Variants in PLEKHA4 observed in about 807,000 individuals in gnomAD.
The protein encoded by PLEKHA4 is pleckstrin homology domain-containing family A member 4.
Under a neutral mutation model 94.7 loss-of-function variants are expected in PLEKHA4, and 73 were observed. The ratio of observed to expected loss-of-function variants is 0.77; its 90% CI spans 0.64 to 0.94. PLEKHA4 has a LOEUF of 0.94. Ranked by LOEUF, PLEKHA4 falls within the 40% of genes least tolerant of loss-of-function variation. The probability of loss-of-function intolerance (pLI) is 0.00; values close to 1 mark genes in which losing one functional copy is unlikely to be tolerated. For missense variants in PLEKHA4, 1,049 were observed against 1,054.1 expected (o/e 1.00, Z 0.07); for synonymous variants, 449 against 437.1 (o/e 1.03, Z -0.34).
chr19:48,855,742 T>C (rs1397287189), intron 9 of PLEKHA4, among the ~76,000 whole-genome samples: 1 of 151,886 alleles, frequency 6.6e-6, no homozygotes, highest in South Asian at 2.1e-4. Flanking sequence ...TGAGCCATGA[T>C]TGCACCACTG....
chr19:48,854,244 T>C lies in PLEKHA4; in HGVS notation c.1068A>G (p.Ser356=). 1 of 1,614,140 alleles carries C rather than the reference T, an allele frequency of 6.2e-7. No individual in the cohort carries two copies. The highest frequency in any genetic ancestry group is 8.5e-7 in the Non-Finnish European group (1 of 1,180,008). The change falls in exon 10 of 20, where the codon TCA becomes TCG. Residue 356 remains serine, a synonymous_variant. Coordinates refer to ENST00000263265, the MANE Select transcript of PLEKHA4 (RefSeq NM_020904.3). ...MVLLPGPPLE[S]TFHQSLETDT... ...CTGTCTCCAAGCTTTGGTGGAAAGT[T>C]GACTCCAGGGGAGGACCCGGCTGAA...
chr19:48,865,828 C>A (rs535728445), intron 2 of PLEKHA4, among the ~76,000 whole-genome samples: 3 of 152,066 alleles, frequency 2.0e-5, no homozygotes, highest in Middle Eastern at 3.4e-3. Flanking sequence ...TCCTGGCTAA[C>A]ACGGTGAAAC....
chr19:48,863,690 G>A (rs1260695899), intron 3 of PLEKHA4, among the ~76,000 whole-genome samples: 19 of 151,340 alleles, frequency 1.3e-4, no homozygotes, highest in African/African-American at 3.9e-4. Context: ...CGCCCACCTT[G>A]GCCTCCCAAA....
chr19:48,864,127 G>A (rs73587894), intron 3 of PLEKHA4, among the ~76,000 whole-genome samples: 3,812 of 151,600 alleles, frequency 0.025, 154 homozygotes, highest in African/African-American at 0.087. Context: ...CCAAGGTTTT[G>A]CCTGCTGCAG....
At chr19:48,861,229 A>C (rs927978448) in intron 5 of PLEKHA4, among the ~76,000 whole-genome samples, 172 bp downstream of exon 5, 10 of 152,152 alleles carry the variant, frequency 6.6e-5, no homozygotes, top group Non-Finnish European at 1.0e-4. Context: ...AAACAAAAAA[A>C]CAAACCAAAA....
In PLEKHA4 at chr19:48,845,428, AC is replaced by A; in HGVS notation, c.1684del (p.Val562SerfsTer17). On this transcript the variant is annotated frameshift_variant, in exon 16 of 20. Transcript: ENST00000263265. LOFTEE classifies it high-confidence loss of function. ...ACCCTCAGGGCTGGAAGCCCGGGAG[AC>A]CCTCGGAGACCCAAGACCTGGAAAG... ...SPHLGLGSPR[V>X]SRASSPEGRH... 1 of 1,613,838 alleles carries A rather than the reference AC, an allele frequency of 6.2e-7. No individual in the cohort carries two copies. The highest frequency in any genetic ancestry group is 8.5e-7 in the Non-Finnish European group (1 of 1,180,000).
intron 17 of PLEKHA4, among the ~76,000 whole-genome samples, chr19:48,840,423 TC>T (rs1299248157): frequency 3.6e-5 from 5 of 140,540 alleles, no homozygotes; most frequent in East Asian, 2.1e-4. Flanking sequence ...AAAGAAAACA[TC>T]TTTTTTTTTT....
chr19:48,838,416 G>C (rs950492496), intron 18 of PLEKHA4: 1 of 171,698 alleles, frequency 5.8e-6, no homozygotes, highest in African/African-American at 2.6e-5. Flanking sequence ...CAATTATCTC[G>C]TAAATATATG....
chr19:48,842,323 G>A (rs2035801710), intron 16 of PLEKHA4, among the ~76,000 whole-genome samples: 1 of 151,710 alleles, frequency 6.6e-6, no homozygotes, highest in African/African-American at 2.4e-5. Context: ...TAATTTTTTT[G>A]TATTTTTAGT....
intron 3 of PLEKHA4, among the ~76,000 whole-genome samples, chr19:48,863,719 T>G (rs528784516): frequency 6.6e-6 from 1 of 151,736 alleles, no homozygotes; most frequent in African/African-American, 2.4e-5. Flanking sequence ...ATTACAGGAG[T>G]GAGCCACCAC....
chr19:48,867,513 C>A lies in PLEKHA4; in HGVS notation c.84+24G>T. ...GCGGCCCAGAGCCCCACCTTCCTCC[C>A]CATCCCCGCCAGGAAGCTCAAACCT... On this transcript the variant is annotated intron_variant, in intron 2 of 19. Coordinates refer to ENST00000263265, the MANE Select transcript of PLEKHA4 (RefSeq NM_020904.3). The surrounding 1 kb of genome is among the most constrained non-coding windows in gnomAD (Gnocchi z 4.7). 6.3e-7 allele frequency: 1 copy of A among 1,575,892 alleles called. No individual in the cohort carries two copies. Among genetic ancestry groups the A allele is most frequent in the Non-Finnish European group, 8.6e-7 (1 of 1,162,774 alleles).
chr19:48,858,783 T>C (rs2036521862), intron 8 of PLEKHA4, 77 bp downstream of exon 8: 1 of 1,523,316 alleles, frequency 6.6e-7, no homozygotes, highest in Non-Finnish European at 9.1e-7. Context: ...CAGGGAGCAA[T>C]GGCCTTGAGA....
intron 7 of PLEKHA4, 22 bp from the exon 8 acceptor site, chr19:48,859,161 G>T (rs753816627): frequency 6.6e-7 from 1 of 1,511,316 alleles, no homozygotes; most frequent in Non-Finnish European, 8.9e-7. Flanking sequence ...AGAGAATCGG[G>T]GAACTGAGTC....
rs765805327 is a variant in PLEKHA4, at chr19:48,841,200, G to T, written c.1854C>A (p.Thr618=). 6 of 1,612,804 alleles carry T rather than the reference G, an allele frequency of 3.7e-6. No individual in the cohort carries two copies. The Admixed American group carries it at 1.0e-4, about 27-fold the overall frequency. The change falls in exon 17 of 20, where the codon ACC becomes ACA. Residue 618 remains threonine (T), a synonymous_variant. Coordinates refer to ENST00000263265, the MANE Select transcript of PLEKHA4 (RefSeq NM_020904.3). ...FPRPTSPRLL[T]LGRTLSPARR... is the part of the protein sequence containing the mutation. ...TGGCTGGGGACAGTGTCCTTCCCAG[G>T]GTGAGAAGCCGGGGGGAGGTCGGGC...
chr19:48,839,244 C>G lies in PLEKHA4; in HGVS notation c.1925G>C (p.Gly642Ala). The change falls in exon 18 of 20, where the codon GGA (glycine) becomes GCA (alanine). Residue 642 changes from glycine to alanine, a missense_variant. Physicochemically the swap from Gly to Ala is moderately conservative, Grantham distance 60. Coordinates refer to ENST00000263265, the MANE Select transcript of PLEKHA4 (RefSeq NM_020904.3). ...VEQRPVVGHS[G>A]AQKWLRSSGS... is the part of the protein sequence containing the mutation. ...AGAGCTTCTGAGCCATTTCTGGGCT[C>G]CCGAGTGTCCTACGACAGGCTGGAA... The G allele has an allele frequency of 6.3e-7, 1 of 1,594,360 alleles. No individual in the cohort carries two copies. The highest frequency in any genetic ancestry group is 8.6e-7 in the Non-Finnish European group (1 of 1,167,114).
intron 5 of PLEKHA4, 111 bp from the exon 6 acceptor site, chr19:48,860,570 G>A (rs1473317743): frequency 1.3e-6 from 1 of 774,800 alleles, no homozygotes; most frequent in East Asian, 2.7e-5. Context: ...GCCGATGCGG[G>A]AGGATGGCTT....
intron 9 of PLEKHA4, among the ~76,000 whole-genome samples, chr19:48,856,191 G>T (rs1273769904): frequency 4.1e-5 from 6 of 146,410 alleles, no homozygotes; most frequent in Admixed American, 3.4e-4. Flanking sequence ...AAAGAAAAAG[G>T]AAGGAAAGAA....
rs746650431 is a variant in PLEKHA4, at chr19:48,859,542, G to C, written c.619C>G (p.Pro207Ala). Residue 207 changes from proline to alanine, a missense_variant, in exon 7 of 20, where the codon CCC becomes GCC. Pro to Ala is a conservative substitution (Grantham distance 27). Transcript: ENST00000263265. ...GTGGGGCTGGGAGTGAGCAGCCTGG[G>C]TCTACCACGACCTCTGGAGAGTCGA... ...VTRLSRGRGR[P>A]RLLTPSPTTD... 3.1e-6 allele frequency: 5 copies of C among 1,614,028 alleles called. No homozygotes were observed. The Admixed American group carries it at 6.7e-5, about 22-fold the overall frequency.
chr19:48,840,252 TAAA>T (rs890607609), intron 17 of PLEKHA4, among the ~76,000 whole-genome samples: 1 of 151,796 alleles, frequency 6.6e-6, no homozygotes, highest in African/African-American at 2.4e-5. Flanking sequence ...CTGTCTCTAC[TAAA>T]AATACAAAAA....
Sources: gnomAD v4.1 joint callset for allele counts (sites outside exome capture counted in the v4.1 genomes callset) on GRCh38, gnomAD v4.1.1 for gene constraint, Gnocchi (gnomAD v3.1) non-coding constraint, MANE v1.5 for transcripts, NCBI Gene and HGNC (gene_info 2026-07-23, HGNC 2026-07-21) for gene names.